The following MTCL2 variants were observed in gnomAD, a reference collection of about 807,000 sequenced individuals.
The protein encoded by MTCL2 is microtubule crosslinking factor 2, also known as microtubule cross-linking factor 2.
chr20:36,788,675 T>G, the MTCL2 span, among the ~76,000 whole-genome samples: 1 of 152,172 alleles, frequency 6.6e-6, no homozygotes, highest in African/African-American at 2.4e-5. Flanking sequence ...AAAAGTGCTG[T>G]GATAGAGCCA....
At chr20:36,834,767 C>T in the MTCL2 span, among the ~76,000 whole-genome samples, 19 of 152,116 alleles carry the variant, frequency 1.2e-4, no homozygotes, top group Non-Finnish European at 2.4e-4. Flanking sequence ...TTTGGGAGGC[C>T]GACGTGGGTA....
At chr20:36,811,400 G>A in the MTCL2 span, among the ~76,000 whole-genome samples, 7 of 152,102 alleles carry the variant, frequency 4.6e-5, no homozygotes, top group Admixed American at 3.3e-4. Flanking sequence ...AGGCTGAGAC[G>A]GGAAGATCAC....
At chr20:36,823,802 T>C in the MTCL2 span, among the ~76,000 whole-genome samples, 2 of 152,170 alleles carry the variant, frequency 1.3e-5, no homozygotes, top group African/African-American at 2.4e-5. Flanking sequence ...AGCAAGACTC[T>C]TGTCTCCCCC....
At chr20:36,834,416 T>G in the MTCL2 span, among the ~76,000 whole-genome samples, 1 of 152,142 alleles carries the variant, frequency 6.6e-6, no homozygotes, top group African/African-American at 2.4e-5. Context: ...TGTCCTTGGC[T>G]TCCCACAGGA....
chr20:36,814,917 T>G, the MTCL2 span, among the ~76,000 whole-genome samples: 1 of 151,858 alleles, frequency 6.6e-6, no homozygotes, highest in Admixed American at 6.6e-5. Flanking sequence ...AAAAATTAGC[T>G]GGGTGTGGTG....
chr20:36,862,961 C>A, the MTCL2 span: 1 of 1,405,430 alleles, frequency 7.1e-7, no homozygotes, highest in Non-Finnish European at 9.3e-7. Flanking sequence ...GCGCCTCCTC[C>A]GACGCGCAGT....
chr20:36,816,457 C>T, the MTCL2 span: 12 of 658,774 alleles, frequency 1.8e-5, no homozygotes, highest in Admixed American at 6.2e-5. Context: ...CCGGGGGAGA[C>T]GCAGAGGGGT....
the MTCL2 span, among the ~76,000 whole-genome samples, chr20:36,843,137 G>A: frequency 6.5e-3 from 984 of 152,286 alleles, 9 homozygotes; most frequent in African/African-American, 0.023. Flanking sequence ...GGGAGGAAGG[G>A]GGATCTGATT....
At chr20:36,841,155 CAAAAAA>C in the MTCL2 span, among the ~76,000 whole-genome samples, 16 of 40,350 alleles carry the variant, frequency 4.0e-4, no homozygotes, top group Non-Finnish European at 4.7e-4. Context: ...ACTAAAAATA[CAAAAAA>C]AAAAAAAAAA....
chr20:36,810,208 A>T, the MTCL2 span: 2 of 1,396,184 alleles, frequency 1.4e-6, no homozygotes, highest in South Asian at 2.6e-5. Context: ...GAACGATGGG[A>T]TGTTGGACCC....
the MTCL2 span, among the ~76,000 whole-genome samples, chr20:36,821,499 G>A: frequency 6.6e-6 from 1 of 152,196 alleles, no homozygotes; most frequent in Admixed American, 6.5e-5. Flanking sequence ...CTGCACTGTA[G>A]CCTGGGCAAC....
the MTCL2 span, chr20:36,803,063 G>A: frequency 4.3e-5 from 69 of 1,608,974 alleles, no homozygotes; most frequent in Non-Finnish European, 5.5e-5. Context: ...CCTTCCAGTC[G>A]GGCCCTGCCC....
the MTCL2 span, chr20:36,859,941 CCA>C: frequency 5.7e-6 from 7 of 1,229,990 alleles, no homozygotes; most frequent in African/African-American, 9.3e-5. Context: ...CCCACTCTGG[CCA>C]CAGTTTTCCC....
At chr20:36,810,717 CCT>C in the MTCL2 span, among the ~76,000 whole-genome samples, 5,359 of 94,108 alleles carry the variant, frequency 0.057, 151 homozygotes, top group African/African-American at 0.066. Context: ...TCTCTCTCTC[CCT>C]CTCTCTCTCT....
At chr20:36,789,222 T>C in the MTCL2 span, among the ~76,000 whole-genome samples, 5 of 152,188 alleles carry the variant, frequency 3.3e-5, no homozygotes, top group Admixed American at 2.0e-4. Flanking sequence ...CCAGCCAGCT[T>C]TGTGCTGTTG....
At chr20:36,857,691 G>C in the MTCL2 span, among the ~76,000 whole-genome samples, 1 of 152,094 alleles carries the variant, frequency 6.6e-6, no homozygotes, top group Non-Finnish European at 1.5e-5. Flanking sequence ...TAGCTCCTGG[G>C]AGCCAAGAAG....
the MTCL2 span, among the ~76,000 whole-genome samples, chr20:36,808,344 A>C: frequency 2.1e-5 from 3 of 143,102 alleles, no homozygotes. Flanking sequence ...CTGGAGTGAG[A>C]CTCCATCTCG....
chr20:36,784,324 C>T, the MTCL2 span: 1,436 of 986,054 alleles, frequency 1.5e-3, 16 homozygotes, highest in African/African-American at 0.023. Flanking sequence ...ATGGAGGAGG[C>T]GGCTGGCGGG....
chr20:36,839,683 G>C, the MTCL2 span, among the ~76,000 whole-genome samples: 1 of 152,234 alleles, frequency 6.6e-6, no homozygotes, highest in Admixed American at 6.5e-5. The surrounding 1 kb of genome is among the most constrained non-coding windows in gnomAD (Gnocchi z 5.1). Context: ...AACAGAAGCA[G>C]AGGCTGGAGT....
Sources: allele counts gnomAD v4.1 joint callset (sites outside exome capture counted in the v4.1 genomes callset), GRCh38; gene constraint gnomAD v4.1.1; non-coding constraint Gnocchi (gnomAD v3.1); transcripts MANE v1.5; gene names NCBI Gene and HGNC (gene_info 2026-07-23, HGNC 2026-07-21).